SPACA7: variants seen among roughly 807,000 people sequenced by gnomAD.
SPACA7 encodes the protein sperm acrosome-associated protein 7.
Under a neutral mutation model 26.3 loss-of-function variants are expected in SPACA7, and 19 were observed. That is an observed-to-expected ratio of 0.72 (90% CI 0.50 to 1.06). The LOEUF (loss-of-function observed/expected upper bound fraction) is 1.06, where lower values mean the gene tolerates loss of function less well. Ranked by LOEUF, SPACA7 falls within the 50% of genes least tolerant of loss-of-function variation. SPACA7 has a pLI of 0.00. For synonymous variants in SPACA7, 84 were observed against 84.5 expected (o/e 0.99, Z 0.04); for missense variants, 211 against 229.9 (o/e 0.92, Z 0.53).
chr13:112,416,448 G>A (rs193121927), intron 5 of SPACA7, among the ~76,000 whole-genome samples: 27 of 152,034 alleles, frequency 1.8e-4, no homozygotes, highest in African/African-American at 6.5e-4. Flanking sequence ...CACCATGCCT[G>A]GCTAATTTTT....
At position 112,434,585 on chromosome 13, in the gene SPACA7, C is replaced by G; in HGVS notation, c.*36C>G. On this transcript the variant is annotated 3_prime_UTR_variant, in exon 7 of 7. Coordinates refer to ENST00000283550, the MANE Select transcript of SPACA7 (RefSeq NM_145248.5). ...CCAGACCCCCTGCGCAGGAGAGGAG[C>G]CTGCTAGAACCCCCACCCACCAGCC... 6.5e-7 allele frequency: 1 copy of G among 1,544,126 alleles called. No individual in the cohort carries two copies. The highest frequency in any genetic ancestry group is 8.8e-7 in the Non-Finnish European group (1 of 1,134,596).
At chr13:112,385,472 T>G (rs1369555622) in intron 1 of SPACA7, among the ~76,000 whole-genome samples, 1 of 152,204 alleles carries the variant, frequency 6.6e-6, no homozygotes, top group Non-Finnish European at 1.5e-5. Context: ...GGGTGCAGCC[T>G]AGGACATGAG....
intron 5 of SPACA7, among the ~76,000 whole-genome samples, chr13:112,424,266 G>A (rs1433932173): frequency 6.6e-6 from 1 of 152,186 alleles, no homozygotes; most frequent in Non-Finnish European, 1.5e-5. Context: ...GCTGCGTTGG[G>A]AGCATGAAGA....
chr13:112,434,351 C>A, intron 6 of SPACA7, 134 bp from the exon 7 acceptor site: 1 of 740,976 alleles, frequency 1.3e-6, no homozygotes, highest in Admixed American at 2.2e-5. Context: ...CCAGACACAT[C>A]CGCAGGGCTC....
At chr13:112,407,190 C>G (rs184585065) in intron 5 of SPACA7, among the ~76,000 whole-genome samples, 15 of 152,182 alleles carry the variant, frequency 9.9e-5, no homozygotes, top group Admixed American at 3.3e-4. Flanking sequence ...ACACAACATA[C>G]CAGAATTTCT....
intron 1 of SPACA7, among the ~76,000 whole-genome samples, chr13:112,381,979 G>A (rs1458934850): frequency 2.6e-5 from 4 of 152,088 alleles, no homozygotes; most frequent in African/African-American, 9.7e-5. Context: ...TCTAATCTTG[G>A]GGCTAATGTT....
At position 112,424,860 on chromosome 13, in the gene SPACA7, G is replaced by A. The variant is rs116597679; in HGVS notation, c.446-7584G>A. ...TGCTCTGGGCTGCAGGTATTTCTCG[G>A]TACATCCATATCCCCCCATGGGAAC... On this transcript the variant is annotated intron_variant, in intron 5 of 6. Coordinates refer to ENST00000283550, the MANE Select transcript of SPACA7 (RefSeq NM_145248.5). Among the ~76,000 whole-genome samples the A allele has an allele frequency of 8.1e-3, 1,227 of 152,206 alleles. 16 individuals carry two copies. Among genetic ancestry groups the A allele is most frequent in the African/African-American group, 0.028 (1,157 of 41,530 alleles).
chr13:112,376,549 C>T, intron 1 of SPACA7, 70 bp downstream of exon 1: 1 of 1,511,946 alleles, frequency 6.6e-7, no homozygotes, highest in Non-Finnish European at 9.0e-7. Flanking sequence ...CCTCTTCTCC[C>T]ATGGGTTCCT....
At chr13:112,383,716 T>C (rs1423941352) in intron 1 of SPACA7, among the ~76,000 whole-genome samples, 1 of 152,242 alleles carries the variant, frequency 6.6e-6, no homozygotes, top group East Asian at 1.9e-4. Context: ...GTACAGGGAC[T>C]CTGTGTGGAC....
intron 5 of SPACA7, among the ~76,000 whole-genome samples, chr13:112,402,387 C>T (rs1885703002): frequency 7.0e-6 from 1 of 142,234 alleles, no homozygotes; most frequent in South Asian, 2.4e-4. Context: ...TTTTATCCTG[C>T]TATCTTACTG....
chr13:112,433,290 T>A (rs1295955564), intron 6 of SPACA7, among the ~76,000 whole-genome samples: 2 of 148,518 alleles, frequency 1.3e-5, no homozygotes, highest in East Asian at 3.9e-4. Context: ...CCGAGCCACA[T>A]GGCTGGCTTT....
intron 5 of SPACA7, among the ~76,000 whole-genome samples, chr13:112,419,456 C>T (rs186059692): frequency 1.3e-5 from 2 of 152,240 alleles, no homozygotes; most frequent in Non-Finnish European, 2.9e-5. Flanking sequence ...GACAGGTGAC[C>T]CCTCCCACTT....
At chr13:112,426,248 T>C (rs1876525600) in intron 5 of SPACA7, among the ~76,000 whole-genome samples, 2 of 152,260 alleles carry the variant, frequency 1.3e-5, no homozygotes, top group South Asian at 4.1e-4. Context: ...CAAGTCTGTT[T>C]CTGGACTTTT....
At chr13:112,384,278 C>T (rs188199303) in intron 1 of SPACA7, among the ~76,000 whole-genome samples, 1 of 152,080 alleles carries the variant, frequency 6.6e-6, no homozygotes, top group East Asian at 1.9e-4. Context: ...ACACAGTTGA[C>T]AAGGAAATTT....
intron 6 of SPACA7, 99 bp from the exon 7 acceptor site, chr13:112,434,386 T>A (rs1436129424): frequency 1.4e-5 from 14 of 1,003,686 alleles, no homozygotes; most frequent in Non-Finnish European, 1.4e-5. Flanking sequence ...AACTGAGGGC[T>A]TGGTTCCTCC....
At chr13:112,394,399 C>A (rs548472697) in intron 2 of SPACA7, among the ~76,000 whole-genome samples, 3 of 151,606 alleles carry the variant, frequency 2.0e-5, no homozygotes, top group Non-Finnish European at 2.9e-5. Flanking sequence ...CCCGGGACTG[C>A]GGCTGTGAAG....
chr13:112,396,176 A>G (rs1885239155), intron 2 of SPACA7, among the ~76,000 whole-genome samples: 2 of 148,972 alleles, frequency 1.3e-5, no homozygotes, highest in South Asian at 2.2e-4. Flanking sequence ...TCGGGCATGG[A>G]GTGGACTGGG....
intron 1 of SPACA7, among the ~76,000 whole-genome samples, chr13:112,391,859 C>T (rs1299449576): frequency 6.6e-6 from 1 of 152,176 alleles, no homozygotes; most frequent in African/African-American, 2.4e-5. Flanking sequence ...TTGTTTGTTT[C>T]GTTTACCGAA....
rs531811622 is a variant in SPACA7, at chr13:112,389,563, T to C, written c.95-3458T>C. ...TTCTGGGAGTCCTGGGAATATTTAA[T>C]CAAGCACATCTTTTTTCTCTAAGCC... On this transcript the variant is annotated intron_variant, in intron 1 of 6. Transcript: ENST00000283550. Among the ~76,000 whole-genome samples the C allele has an allele frequency of 3.3e-5, 5 of 152,350 alleles. No homozygotes were observed. In the East Asian group the frequency reaches 9.6e-4, roughly 29 times the overall value.
Sources: allele counts gnomAD v4.1 joint callset (sites outside exome capture counted in the v4.1 genomes callset), GRCh38; gene constraint gnomAD v4.1.1; transcripts MANE v1.5; gene names NCBI Gene and HGNC (gene_info 2026-07-23, HGNC 2026-07-21).